PIGG: variants seen among roughly 807,000 people sequenced by gnomAD.
The protein encoded by PIGG is GPI ethanolamine phosphate transferase 2, catalytic subunit.
Under a neutral mutation model 83.2 loss-of-function variants are expected in PIGG, and 70 were observed. That is an observed-to-expected ratio of 0.84 (90% confidence interval 0.69 to 1.03). The LOEUF (loss-of-function observed/expected upper bound fraction) is 1.03. PIGG is among the 50% of genes least tolerant of loss of function. The pLI is 0.00. For missense variants in PIGG, 1,257 were observed against 1,233.6 expected (o/e 1.02, Z -0.28); for synonymous variants, 532 against 519.5 (o/e 1.02, Z -0.33).
Position 499,218 on chromosome 4 carries a change from T to G in PIGG, c.-118T>G, listed in dbSNP as rs1716566064. 8.9e-7 allele frequency: 1 copy of G among 1,117,686 alleles called. No homozygotes were observed. Among genetic ancestry groups the G allele is most frequent in the Admixed American group, 2.9e-5 (1 of 34,600 alleles). The allele number at this position is 1,117,686 out of a possible 1,614,324, so 69.2% of individuals were successfully genotyped here. ...CCGGCGGACGTGACGCCACTGTCGC[T>G]GCGACGATAAGGCCTGGCGTTATTG... On this transcript the variant is annotated 5_prime_UTR_variant, in exon 1 of 13. Coordinates refer to ENST00000453061, the MANE Select transcript of PIGG (RefSeq NM_001127178.3).
chr4:533,900 T>C lies in PIGG; in HGVS notation c.2654T>C (p.Leu885Pro), dbSNP rs1729710461. 1.2e-6 allele frequency: 2 copies of C among 1,614,202 alleles called. No homozygotes were observed. The highest frequency in any genetic ancestry group is 1.1e-5 in the South Asian group (1 of 91,088). ...LDTYVEIPAV[L>P]LTAFGTYAGP... The stretch of plus-strand genomic sequence containing the variant: ...ACCTACGTGGAAATCCCAGCCGTGC[T>C]CCTGACAGCGTTTGGGACGTACGCA... The change falls in exon 12 of 13, where the codon CTC (leucine) becomes CCC (proline). Residue 885 changes from leucine to proline, a missense_variant. By Grantham distance (98) the Leu-to-Pro change is moderately conservative (BLOSUM62 -3). Coordinates refer to ENST00000453061, the MANE Select transcript of PIGG (RefSeq NM_001127178.3).
Position 533,794 on chromosome 4 carries a change from G to A in PIGG, c.2572-24G>A, listed in dbSNP as rs151060075. On this transcript the variant is annotated intron_variant, in intron 11 of 12. Coordinates refer to ENST00000453061, the MANE Select transcript of PIGG (RefSeq NM_001127178.3). ...TGATGCCACGTGTTGTGAGGCCTTTGTCAGCTCTTCTCCTGTATTCCAGGG... is the reference window on the plus strand; with the variant it reads ...TGATGCCACGTGTTGTGAGGCCTTTATCAGCTCTTCTCCTGTATTCCAGGG... The A allele has an allele frequency of 1.5e-3, 2,432 of 1,612,210 alleles. 41 individuals carry two copies. The East Asian group carries it at 0.039, about 26-fold the overall frequency.
chr4:510,021 T>C (rs1721335916), intron 5 of PIGG, among the ~76,000 whole-genome samples: 1 of 152,182 alleles, frequency 6.6e-6, no homozygotes, highest in South Asian at 2.1e-4. Context: ...TGACCTCTTA[T>C]ATCTTTTTAT....
At chr4:529,168 C>G (rs1226572474) in intron 10 of PIGG, among the ~76,000 whole-genome samples, 2 of 152,234 alleles carry the variant, frequency 1.3e-5, no homozygotes, top group Non-Finnish European at 2.9e-5. Flanking sequence ...GGATGATGCC[C>G]CTCCTGCTCA....
intron 5 of PIGG, among the ~76,000 whole-genome samples, chr4:510,447 C>T (rs1446123795): frequency 6.6e-6 from 1 of 152,194 alleles, no homozygotes; most frequent in African/African-American, 2.4e-5. Context: ...AGCCTTCCAG[C>T]GTGGGCGTCA....
At chr4:520,241 G>A (rs113037346) in intron 6 of PIGG, among the ~76,000 whole-genome samples, 96 of 152,348 alleles carry the variant, frequency 6.3e-4, no homozygotes, top group African/African-American at 2.1e-3. Context: ...GTCAAATACC[G>A]AGGGGGTCTC....
chr4:525,488 A>G (rs1727319316), intron 9 of PIGG: 1 of 337,982 alleles, frequency 3.0e-6, no homozygotes, highest in Admixed American at 6.5e-5. Flanking sequence ...TAGTCCTAGT[A>G]ATGAGGGCAC....
intron 2 of PIGG, 36 bp downstream of exon 2, chr4:500,637 G>A: frequency 7.2e-7 from 1 of 1,379,376 alleles, no homozygotes; most frequent in Non-Finnish European, 1.0e-6. Context: ...ATCATGGTTT[G>A]GCTGTTTTGA....
intron 4 of PIGG, 107 bp downstream of exon 4, chr4:507,700 C>G: frequency 1.1e-6 from 1 of 949,616 alleles, no homozygotes; most frequent in Non-Finnish European, 1.6e-6. Context: ...GAATGTCCAC[C>G]ATCAGTCTGC....
intron 12 of PIGG, among the ~76,000 whole-genome samples, chr4:535,348 C>T (rs1354370382): frequency 8.4e-6 from 1 of 119,128 alleles, no homozygotes; most frequent in African/African-American, 3.8e-5. Flanking sequence ...CCCCGTGCTC[C>T]ACGCTTGTCC....
chr4:535,450 A>AAACCGCGAACCGC, intron 12 of PIGG, among the ~76,000 whole-genome samples: 1 of 103,556 alleles, frequency 9.7e-6, no homozygotes, highest in East Asian at 3.1e-4. Flanking sequence ...CCTCCCGGGC[A>AAACCGCGAACCGC]GGCGAGCGTC....
chr4:509,871 A>G lies in PIGG; in HGVS notation c.901+901A>G, dbSNP rs187812157. Among the ~76,000 whole-genome samples, 7 of 152,284 alleles carry G rather than the reference A, an allele frequency of 4.6e-5. No individual in the cohort carries two copies. In the East Asian group the frequency reaches 1.3e-3, roughly 29 times the overall value. ...ATCTCTCTAAGTGTCCCCATTCATCATTCTTGGCATAATTTGTCATTGCAG... is the reference window on the plus strand; with the variant it reads ...ATCTCTCTAAGTGTCCCCATTCATCGTTCTTGGCATAATTTGTCATTGCAG... On this transcript the variant is annotated intron_variant, in intron 5 of 12. Coordinates refer to ENST00000453061, the MANE Select transcript of PIGG (RefSeq NM_001127178.3).
chr4:522,283 C>G, intron 8 of PIGG: 1 of 542,364 alleles, frequency 1.8e-6, no homozygotes, highest in Non-Finnish European at 3.3e-6. Flanking sequence ...GGACAGCCTC[C>G]CAGCAGAGGT....
intron 6 of PIGG, among the ~76,000 whole-genome samples, chr4:520,202 G>T (rs1048880515): frequency 1.3e-5 from 2 of 152,250 alleles, no homozygotes; most frequent in South Asian, 4.1e-4. Flanking sequence ...ACCCTTCTTG[G>T]CATGGCTCTT....
At chr4:538,458 GT>G (rs1444699825) in intron 12 of PIGG, among the ~76,000 whole-genome samples, 1 of 152,174 alleles carries the variant, frequency 6.6e-6, no homozygotes, top group Non-Finnish European at 1.5e-5. Context: ...TTGTATTTAT[GT>G]TTATTTGTAT....
At chr4:526,414 C>A (rs1016458036) in intron 9 of PIGG, among the ~76,000 whole-genome samples, 1 of 152,240 alleles carries the variant, frequency 6.6e-6, no homozygotes, top group Non-Finnish European at 1.5e-5. Flanking sequence ...ACCACCGCAT[C>A]GCGGTCGGGA....
At chr4:511,880 C>T (rs1722075901) in intron 5 of PIGG, among the ~76,000 whole-genome samples, 1 of 152,184 alleles carries the variant, frequency 6.6e-6, no homozygotes, top group Admixed American at 6.5e-5. Flanking sequence ...ACTGGGTTGG[C>T]TGTTTTTTCT....
rs1383238846 is a variant in PIGG at position 539,183 on chromosome 4, C to T, written c.2766C>T (p.Cys922=). 6.2e-7 allele frequency: 1 copy of T among 1,612,822 alleles called. No individual in the cohort carries two copies. The highest frequency in any genetic ancestry group is 8.5e-7 in the Non-Finnish European group (1 of 1,179,040). The part of the protein sequence containing the change: ...SGSALSHACF[C]YALICSIPVF... ...CAGCACTGAGTCATGCTTGCTTCTG[C>T]TACGCACTGATTTGTTCTATTCCAG... Residue 922 remains cysteine, a synonymous_variant, in exon 13 of 13, where the codon TGC becomes TGT. Transcript: ENST00000453061.
At chr4:532,206 C>T (rs1021252690) in intron 11 of PIGG, 1 of 152,514 alleles carries the variant, frequency 6.6e-6, no homozygotes, top group African/African-American at 2.4e-5. Context: ...TCCGTTTCCT[C>T]CCTGTTTGAT....
Sources: allele counts gnomAD v4.1 joint callset (sites outside exome capture counted in the v4.1 genomes callset), GRCh38; gene constraint gnomAD v4.1.1; transcripts MANE v1.5; gene names NCBI Gene and HGNC (gene_info 2026-07-23, HGNC 2026-07-21).